Variants in WASF3 observed in about 807,000 individuals in gnomAD.
WASF3 encodes actin-binding protein WASF3.
WASF3 carries 11 observed loss-of-function variants against 46.6 expected under a neutral mutation model. That is an observed-to-expected ratio of 0.24 (90% CI 0.15 to 0.39). The LOEUF (loss-of-function observed/expected upper bound fraction) is 0.39, where lower values mean the gene tolerates loss of function less well. WASF3 is among the 10% of genes least tolerant of loss of function. The pLI, the probability that WASF3 is intolerant of heterozygous loss-of-function variation, is 1.00. For missense variants in WASF3, 576 were observed against 669.8 expected (o/e 0.86, Z 1.55); for synonymous variants, 242 against 259.7 (o/e 0.93, Z 0.65).
intron 3 of WASF3, among the ~76,000 whole-genome samples, chr13:26,663,888 C>T (rs1025207753): frequency 6.6e-6 from 1 of 152,178 alleles, no homozygotes; most frequent in Admixed American, 6.5e-5. Context: ...TCATCTATTT[C>T]TGCCATGTAC....
intron 1 of WASF3, among the ~76,000 whole-genome samples, chr13:26,585,328 T>C (rs1233234921): frequency 6.8e-6 from 1 of 147,232 alleles, no homozygotes; most frequent in Non-Finnish European, 1.5e-5. Context: ...TGAGCTGATA[T>C]GCTGTTACGT....
chr13:26,643,651 G>C (rs539454341), intron 3 of WASF3, among the ~76,000 whole-genome samples: 1 of 152,284 alleles, frequency 6.6e-6, no homozygotes, highest in Non-Finnish European at 1.5e-5. Context: ...ATTTATTTTT[G>C]TAGGAATGCT....
intron 2 of WASF3, among the ~76,000 whole-genome samples, chr13:26,639,096 C>G (rs908335984): frequency 6.6e-6 from 1 of 152,198 alleles, no homozygotes; most frequent in African/African-American, 2.4e-5. Flanking sequence ...TACCCAGTCT[C>G]AGGTACTCTG....
At chr13:26,567,376 G>T (rs572096248) in intron 1 of WASF3, among the ~76,000 whole-genome samples, 2 of 152,298 alleles carry the variant, frequency 1.3e-5, no homozygotes, top group East Asian at 3.9e-4. Context: ...TCAGTATCCT[G>T]CATGGCAAGC....
intron 2 of WASF3, among the ~76,000 whole-genome samples, chr13:26,628,187 A>G (rs534238043): frequency 9.8e-5 from 15 of 152,344 alleles, no homozygotes; most frequent in African/African-American, 3.6e-4. Context: ...CCTGAGAAAT[A>G]GCTTGCCATC....
At chr13:26,622,143 T>G (rs1189102459) in intron 2 of WASF3, among the ~76,000 whole-genome samples, 1 of 152,196 alleles carries the variant, frequency 6.6e-6, no homozygotes, top group African/African-American at 2.4e-5. Context: ...AGTGCTATCA[T>G]GCACTGTGCT....
At chr13:26,558,263 C>T (rs1299070042) in intron 1 of WASF3, among the ~76,000 whole-genome samples, 1 of 152,200 alleles carries the variant, frequency 6.6e-6, no homozygotes, top group African/African-American at 2.4e-5. Flanking sequence ...TGCGCGCCCT[C>T]GCTGGTTCTG....
chr13:26,629,049 T>G (rs1881568555), intron 2 of WASF3, among the ~76,000 whole-genome samples: 1 of 152,230 alleles, frequency 6.6e-6, no homozygotes, highest in African/African-American at 2.4e-5. Flanking sequence ...GTTTGATATG[T>G]GATGTGACCA....
intron 3 of WASF3, among the ~76,000 whole-genome samples, chr13:26,661,382 T>C (rs537743068): frequency 2.0e-5 from 3 of 152,268 alleles, no homozygotes; most frequent in Non-Finnish European, 4.4e-5. Flanking sequence ...TTGTCTTTTG[T>C]GACTGATTAA....
At chr13:26,555,628 T>C (rs1879081288), upstream of WASF3, among the ~76,000 whole-genome samples, 1 of 152,156 alleles carries the variant, frequency 6.6e-6, no homozygotes, top group Non-Finnish European at 1.5e-5. Flanking sequence ...TGTGATGCAA[T>C]GCTTACAAGG....
the WASF3 span, among the ~76,000 whole-genome samples, chr13:26,552,360 A>T: frequency 6.6e-6 from 1 of 152,240 alleles, no homozygotes; most frequent in South Asian, 2.1e-4. Flanking sequence ...AAATAAAGTT[A>T]ATATCAATAT....
At chr13:26,570,563 C>CT (rs963354016) in intron 1 of WASF3, among the ~76,000 whole-genome samples, 1 of 151,994 alleles carries the variant, frequency 6.6e-6, no homozygotes, top group African/African-American at 2.4e-5. Context: ...TTGCACTTTG[C>CT]TTTTTTTCAC....
chr13:26,659,642 T>C (rs1363626858), intron 3 of WASF3, among the ~76,000 whole-genome samples: 1 of 152,116 alleles, frequency 6.6e-6, no homozygotes, highest in Non-Finnish European at 1.5e-5. Context: ...GTGGTGATTA[T>C]GCCTTGGGAC....
chr13:26,559,824 T>TCTTTCTTTCTTTCTCTC (rs1879236424), intron 1 of WASF3, among the ~76,000 whole-genome samples: 1 of 91,762 alleles, frequency 1.1e-5, no homozygotes, highest in South Asian at 4.4e-4. Context: ...TTTTTTTTTT[T>TCTTTCTTTCTTTCTCTC]TTTTTTTTTT....
chr13:26,605,639 G>A (rs1012764248), intron 1 of WASF3, among the ~76,000 whole-genome samples: 1 of 152,202 alleles, frequency 6.6e-6, no homozygotes, highest in Non-Finnish European at 1.5e-5. Flanking sequence ...AGGGATCAAA[G>A]TATTAGGATC....
At chr13:26,574,135 T>G (rs1879721215) in intron 1 of WASF3, among the ~76,000 whole-genome samples, 1 of 152,234 alleles carries the variant, frequency 6.6e-6, no homozygotes, top group Non-Finnish European at 1.5e-5. Context: ...AACATAGTAA[T>G]GATTTCTTTG....
chr13:26,653,803 T>C (rs1882388247), intron 3 of WASF3, among the ~76,000 whole-genome samples: 1 of 152,224 alleles, frequency 6.6e-6, no homozygotes, highest in Non-Finnish European at 1.5e-5. Context: ...TCTCCTAGTT[T>C]CAAACTTATA....
chr13:26,680,710 G>T (rs1472940104), intron 7 of WASF3, among the ~76,000 whole-genome samples: 1 of 152,004 alleles, frequency 6.6e-6, no homozygotes, highest in Admixed American at 6.6e-5. Flanking sequence ...CTTATATCCT[G>T]TTTCTAAATG....
chr13:26,598,570 T>C (rs1014441477), intron 1 of WASF3, among the ~76,000 whole-genome samples: 4 of 152,264 alleles, frequency 2.6e-5, no homozygotes, highest in African/African-American at 9.6e-5. Context: ...TGAGGGGGAC[T>C]GAGCTGGATC....
Sources: allele counts gnomAD v4.1 joint callset (sites outside exome capture counted in the v4.1 genomes callset), GRCh38; gene constraint gnomAD v4.1.1; transcripts MANE v1.5; gene names NCBI Gene and HGNC (gene_info 2026-07-23, HGNC 2026-07-21).